Variants in PIK3C2B observed in about 807,000 individuals in gnomAD.
PIK3C2B encodes the protein phosphatidylinositol-4-phosphate 3-kinase catalytic subunit type 2 beta.
A neutral mutation model predicts 184.3 loss-of-function variants in PIK3C2B; 83 were observed. The observed-to-expected ratio is 0.45, with a 90% CI of 0.38 to 0.54. The LOEUF (loss-of-function observed/expected upper bound fraction) is 0.54, where lower values mean the gene tolerates loss of function less well. Ranked by LOEUF, PIK3C2B falls within the 20% of genes least tolerant of loss-of-function variation. PIK3C2B has a pLI of 0.00. For synonymous variants in PIK3C2B, 779 were observed against 837.6 expected, an observed-to-expected ratio of 0.93 and a Z score of 1.21; for missense variants, 1,736 against 2,113.5, an observed-to-expected ratio of 0.82 and a Z score of 3.50.
At chr1:204,481,682 G>T (rs566583098) in intron 1 of PIK3C2B, among the ~76,000 whole-genome samples, 3 of 152,306 alleles carry the variant, frequency 2.0e-5, no homozygotes, top group East Asian at 3.9e-4. Context: ...TGTTCTCTGC[G>T]TTCCAGCAGG....
In PIK3C2B at chr1:204,460,484, G is replaced by C. The variant is rs1655237055; in HGVS notation, c.1422+66C>G. 4.5e-6 allele frequency: 7 copies of C among 1,540,790 alleles called. No homozygotes were observed. In the Admixed American group the frequency reaches 5.0e-5, roughly 11 times the overall value. Reference sequence around the variant, plus strand: ...CTCCTACCCCCCTCCCACCTGATGTGTTCTATATTGTATTCCCATTCCACC... The same window carrying C: ...CTCCTACCCCCCTCCCACCTGATGTCTTCTATATTGTATTCCCATTCCACC... On this transcript the variant is annotated intron_variant, in intron 6 of 32. Transcript: ENST00000684373.
chr1:204,448,495 G>A (rs776126571), intron 14 of PIK3C2B, among the ~76,000 whole-genome samples: 17 of 152,014 alleles, frequency 1.1e-4, no homozygotes, highest in African/African-American at 3.6e-4. Context: ...AAAATTAGCC[G>A]GGCGTGGTGG....
intron 1 of PIK3C2B, among the ~76,000 whole-genome samples, chr1:204,477,810 C>A (rs1164577615): frequency 6.6e-6 from 1 of 152,166 alleles, no homozygotes; most frequent in Non-Finnish European, 1.5e-5. Context: ...CAGCTACATG[C>A]CAGGCCAGGC....
intron 8 of PIK3C2B, 91 bp from the exon 9 acceptor site, chr1:204,457,965 T>C (rs1655011660): frequency 3.5e-6 from 4 of 1,152,574 alleles, no homozygotes; most frequent in Non-Finnish European, 3.7e-6. Flanking sequence ...AAGGAAAGGG[T>C]TGGGAAGAGT....
intron 1 of PIK3C2B, among the ~76,000 whole-genome samples, chr1:204,493,082 G>A (rs888570112): frequency 6.6e-6 from 1 of 152,218 alleles, no homozygotes; most frequent in African/African-American, 2.4e-5. Flanking sequence ...GAGTTGGGGA[G>A]AGGGAAGTAT....
intron 28 of PIK3C2B, 198 bp downstream of exon 28, chr1:204,431,469 AGT>A (rs1440951533): frequency 1.6e-6 from 1 of 621,838 alleles, no homozygotes; most frequent in East Asian, 2.8e-5. Flanking sequence ...GTGGGCCTGG[AGT>A]GAGAGCTCTT....
Position 204,440,046 on chromosome 1 carries a change from C to T in PIK3C2B, c.3379+146G>A, listed in dbSNP as rs756672522. On this transcript the variant is annotated intron_variant, in intron 22 of 32. Transcript: ENST00000684373. The stretch of plus-strand genomic sequence containing the variant: ...TATAACAGTCTTCTCCCATGCCTCC[C>T]TTTTAAGGCTATCCCACAGCTTCTC... The T allele has an allele frequency of 3.9e-4, 318 of 811,242 alleles. 2 individuals are homozygous for T. The highest frequency in any genetic ancestry group is 5.4e-4 in the Non-Finnish European group (285 of 528,830). The allele number at this position is 811,242 out of a possible 1,614,324, so 50.3% of individuals were successfully genotyped here. A position where few individuals can be genotyped will look rare whatever the true frequency, so the allele number is the denominator to read the frequency against.
chr1:204,490,955 C>A (rs953070659), intron 1 of PIK3C2B, among the ~76,000 whole-genome samples: 1 of 152,198 alleles, frequency 6.6e-6, no homozygotes, highest in Admixed American at 6.5e-5. Flanking sequence ...TCCCACATCT[C>A]TTCCTTCCTT....
chr1:204,489,875 C>T (rs1472596507), intron 1 of PIK3C2B: 2 of 397,124 alleles, frequency 5.0e-6, no homozygotes, highest in African/African-American at 4.2e-5. Context: ...ATCCTTTTGG[C>T]CCTCTACTCT....
intron 1 of PIK3C2B, among the ~76,000 whole-genome samples, chr1:204,475,447 T>G (rs551603255): frequency 3.3e-5 from 5 of 152,336 alleles, no homozygotes; most frequent in African/African-American, 1.2e-4. Flanking sequence ...TCATTTCCAC[T>G]GAGCTTGAAC....
intron 23 of PIK3C2B, among the ~76,000 whole-genome samples, chr1:204,437,635 G>A (rs1480560024): frequency 6.6e-6 from 1 of 152,190 alleles, no homozygotes; most frequent in Non-Finnish European, 1.5e-5. Context: ...GGAAGAAGAG[G>A]ACAGATTTGA....
At chr1:204,455,025 T>C (rs1317023279) in intron 11 of PIK3C2B, among the ~76,000 whole-genome samples, 6 of 152,242 alleles carry the variant, frequency 3.9e-5, no homozygotes, top group South Asian at 4.1e-4. Flanking sequence ...CTGAGCCTTG[T>C]TGTTTTTCTT....
chr1:204,466,331 A>C (rs1408415872), intron 2 of PIK3C2B, among the ~76,000 whole-genome samples: 1 of 152,218 alleles, frequency 6.6e-6, no homozygotes, highest in Admixed American at 6.5e-5. Flanking sequence ...GCAACGCCTC[A>C]CATCTCTCAC....
At chr1:204,485,960 T>G (rs187885511) in intron 1 of PIK3C2B, among the ~76,000 whole-genome samples, 1 of 152,328 alleles carries the variant, frequency 6.6e-6, no homozygotes, top group African/African-American at 2.4e-5. Context: ...TTGAATATTT[T>G]TATAATTTGT....
At chr1:204,488,657 G>A (rs1369625391) in intron 1 of PIK3C2B, among the ~76,000 whole-genome samples, 1 of 152,134 alleles carries the variant, frequency 6.6e-6, no homozygotes, top group Non-Finnish European at 1.5e-5. Context: ...AGTGGCTCTG[G>A]CGAGATTAAA....
chr1:204,470,012 A>G (rs560540908), intron 1 of PIK3C2B, 126 bp from the exon 2 acceptor site: 4 of 577,890 alleles, frequency 6.9e-6, no homozygotes, highest in African/African-American at 1.9e-5. Context: ...AACTAATGGA[A>G]TGTACAGGAA....
chr1:204,476,972 GCTCT>G (rs1242701544), intron 1 of PIK3C2B, among the ~76,000 whole-genome samples: 1 of 152,168 alleles, frequency 6.6e-6, no homozygotes, highest in African/African-American at 2.4e-5. Context: ...CTCCACATTT[GCTCT>G]CTTTCTTGCT....
intron 21 of PIK3C2B, among the ~76,000 whole-genome samples, chr1:204,441,017 T>G (rs949700471): frequency 6.6e-6 from 1 of 152,180 alleles, no homozygotes; most frequent in East Asian, 1.9e-4. Context: ...GTCTCCCCCA[T>G]TAGATTATAT....
chr1:204,481,493 A>G (rs1013836375), intron 1 of PIK3C2B, among the ~76,000 whole-genome samples: 1 of 151,962 alleles, frequency 6.6e-6, no homozygotes, highest in African/African-American at 2.4e-5. Flanking sequence ...TCCTGACCTC[A>G]TGATCCACCT....
Sources: allele counts gnomAD v4.1 joint callset (sites outside exome capture counted in the v4.1 genomes callset), GRCh38; gene constraint gnomAD v4.1.1; transcripts MANE v1.5; gene names NCBI Gene and HGNC (gene_info 2026-07-23, HGNC 2026-07-21).